The following IAH1 variants were observed in gnomAD, a reference collection of about 807,000 sequenced individuals.
IAH1 encodes the protein isoamyl acetate-hydrolyzing esterase 1 homolog.
In IAH1, 24 loss-of-function variants were observed where a neutral mutation model predicts 26.7. The ratio of observed to expected loss-of-function variants is 0.90; its 90% CI spans 0.65 to 1.26. The LOEUF (loss-of-function observed/expected upper bound fraction) is 1.26. Ranked by LOEUF, IAH1 falls within the 50% of genes most tolerant of loss-of-function variation. The pLI is 0.00. For synonymous variants in IAH1, 140 were observed against 118.5 expected (o/e 1.18, Z -1.18); for missense variants, 300 against 299.9 (o/e 1.00, Z 0.00).
At chr2:9,477,680 C>G (rs547186208) in intron 2 of IAH1, among the ~76,000 whole-genome samples, 2 of 148,158 alleles carry the variant, frequency 1.3e-5, no homozygotes, top group East Asian at 3.9e-4. Flanking sequence ...TTTTTTTTTC[C>G]CCCATTACAC....
At chr2:9,494,533 G>T, downstream of IAH1, 3 of 1,341,318 alleles carry the variant, frequency 2.2e-6, no homozygotes, top group South Asian at 1.3e-5. Context: ...GAAGGATGTA[G>T]CCCCACTTGT....
downstream of IAH1, chr2:9,493,899 A>C: frequency 7.8e-7 from 1 of 1,282,310 alleles, no homozygotes; most frequent in African/African-American, 1.5e-5. Context: ...CTTTATAAAA[A>C]TAACTGACAT....
At chr2:9,507,730 CT>C in the IAH1 span, among the ~76,000 whole-genome samples, 22,679 of 151,590 alleles carry the variant, frequency 0.15, 1,999 homozygotes, top group Middle Eastern at 0.28. Context: ...TTTCTTTTTC[CT>C]TTTTTTGAGA....
downstream of IAH1, among the ~76,000 whole-genome samples, chr2:9,491,732 G>A (rs889958112): frequency 2.0e-5 from 3 of 152,218 alleles, no homozygotes; most frequent in Non-Finnish European, 4.4e-5. Flanking sequence ...AAGCATAATA[G>A]GTGACAGAGG....
At chr2:9,490,334 T>G, downstream of IAH1, 1 of 1,614,148 alleles carries the variant, frequency 6.2e-7, no homozygotes, top group Non-Finnish European at 8.5e-7. Context: ...CCCATCCTCG[T>G]CCATATGTGA....
upstream of IAH1, chr2:9,474,471 G>A: frequency 1.6e-6 from 1 of 624,132 alleles, no homozygotes; most frequent in East Asian, 3.6e-5. The surrounding 1 kb of genome is among the most constrained non-coding windows in gnomAD (Gnocchi z 4.3). Flanking sequence ...GTGACTGCGT[G>A]GGTGCCCACG....
In IAH1 at chr2:9,487,781, G is replaced by A. The variant is rs1053208170; in HGVS notation, c.565-366G>A. 1.5e-4 allele frequency among the ~76,000 whole-genome samples: 22 copies of A among 145,674 alleles called. No individual in the cohort carries two copies. The East Asian group carries it at 3.5e-3, about 23-fold the overall frequency. On this transcript the variant is annotated intron_variant, in intron 5 of 5. Coordinates refer to ENST00000497473, the MANE Select transcript of IAH1 (RefSeq NM_001039613.3). ...TAGAAAAGTTATACCCTCCCTCCCCGGCCTTTTTGTGTGTGTGTGTGTGTG... is the reference window on the plus strand; with the variant it reads ...TAGAAAAGTTATACCCTCCCTCCCCAGCCTTTTTGTGTGTGTGTGTGTGTG...
At chr2:9,484,717 G>C in intron 5 of IAH1, 167 bp downstream of exon 5, 1 of 575,192 alleles carries the variant, frequency 1.7e-6, no homozygotes, top group Non-Finnish European at 3.1e-6. Flanking sequence ...GAGGTTCCAG[G>C]ATGGCTCACA....
At position 9,474,737 on chromosome 2, in the gene IAH1, C is replaced by T; in HGVS notation, c.81+90C>T. The T allele has an allele frequency of 9.9e-7, 1 of 1,006,708 alleles. No homozygotes were observed. Among genetic ancestry groups the T allele is most frequent in the Non-Finnish European group, 1.4e-6 (1 of 717,218 alleles). 62.4% of individuals were successfully genotyped at this position (1,006,708 alleles called of 1,614,324 possible). On this transcript the variant is annotated intron_variant, in intron 1 of 5. Coordinates refer to ENST00000497473, the MANE Select transcript of IAH1 (RefSeq NM_001039613.3). This position sits in a 1 kb window ranked among gnomAD's most constrained non-coding sequence, Gnocchi z 4.3. Reference sequence around the variant, plus strand: ...CGAGGCTCCTCGCCGTCCTCTTCGGCGCCCGAGACGGCTGGGCCGGAGGCC... The same window carrying T: ...CGAGGCTCCTCGCCGTCCTCTTCGGTGCCCGAGACGGCTGGGCCGGAGGCC...
At chr2:9,499,644 T>A (rs947986384), downstream of IAH1, among the ~76,000 whole-genome samples, 2 of 152,174 alleles carry the variant, frequency 1.3e-5, no homozygotes, top group Admixed American at 1.3e-4. Flanking sequence ...TCTCGTGATC[T>A]GCCCACCTCG....
the IAH1 span, among the ~76,000 whole-genome samples, chr2:9,506,359 GTTT>G: frequency 1.1e-4 from 8 of 73,244 alleles, no homozygotes; most frequent in African/African-American, 2.3e-4. Context: ...CTTCAAATCT[GTTT>G]TTTTTTTTTT....
chr2:9,511,327 G>GT, the IAH1 span, among the ~76,000 whole-genome samples: 1 of 152,132 alleles, frequency 6.6e-6, no homozygotes, highest in African/African-American at 2.4e-5. Context: ...GCGCACGCCT[G>GT]TAATCCCGGC....
At chr2:9,497,349 T>A, downstream of IAH1, 1 of 1,488,970 alleles carries the variant, frequency 6.7e-7, no homozygotes, top group Non-Finnish European at 9.0e-7. Context: ...GCATCTTACC[T>A]TGCAAAAGCA....
the IAH1 span, chr2:9,510,178 CACCT>C: frequency 1.2e-6 from 2 of 1,605,510 alleles, no homozygotes; most frequent in Non-Finnish European, 1.7e-6. Flanking sequence ...ATCCAGCCAT[CACCT>C]ACTTCTGCCA....
At chr2:9,490,602 G>A, downstream of IAH1, 4 of 1,362,180 alleles carry the variant, frequency 2.9e-6, no homozygotes, top group Non-Finnish European at 3.0e-6. Flanking sequence ...CCATCAAACA[G>A]CCTCTTATTC....
Position 9,489,374 on chromosome 2 carries a change from CT to C in IAH1, c.*1046del, listed in dbSNP as rs1421530319. The C allele has an allele frequency of 6.7e-6, 1 of 150,014 alleles. No homozygotes were observed. Among genetic ancestry groups the C allele is most frequent in the African/African-American group, 2.5e-5 (1 of 40,308 alleles). 9.3% of individuals were successfully genotyped at this position (150,014 alleles called of 1,614,324 possible). A position where few individuals can be genotyped will look rare whatever the true frequency, so the allele number is the denominator to read the frequency against. On this transcript the variant is annotated 3_prime_UTR_variant, in exon 6 of 6. Transcript: ENST00000497473. ...CTGGGATTACAGGCATGAGCCACCACTCCCAGCCAATAGTGAATTTTCTAAG... is the reference window on the plus strand; with the variant it reads ...CTGGGATTACAGGCATGAGCCACCACCCCAGCCAATAGTGAATTTTCTAAG...
chr2:9,491,932 G>A (rs1662183207), downstream of IAH1, among the ~76,000 whole-genome samples: 1 of 152,212 alleles, frequency 6.6e-6, no homozygotes, highest in Non-Finnish European at 1.5e-5. Flanking sequence ...CAATCGTGAT[G>A]GATGGCACTG....
At chr2:9,497,357 G>A, downstream of IAH1, 2 of 1,422,802 alleles carry the variant, frequency 1.4e-6, no homozygotes, top group Non-Finnish European at 1.9e-6. Flanking sequence ...CCTTGCAAAA[G>A]CAAAAAGTGA....
At chr2:9,508,374 T>C in the IAH1 span, among the ~76,000 whole-genome samples, 5 of 152,170 alleles carry the variant, frequency 3.3e-5, no homozygotes, top group Admixed American at 3.3e-4. Context: ...CCGCGCTACT[T>C]TTCCTCTGCT....
Sources: gnomAD v4.1 joint callset for allele counts (sites outside exome capture counted in the v4.1 genomes callset) on GRCh38, gnomAD v4.1.1 for gene constraint, Gnocchi (gnomAD v3.1) non-coding constraint, MANE v1.5 for transcripts, NCBI Gene and HGNC (gene_info 2026-07-23, HGNC 2026-07-21) for gene names.